Variants in USP7 observed in about 807,000 individuals in gnomAD.
USP7 encodes the protein ubiquitin C-terminal hydrolase 7.
A neutral mutation model predicts 162.9 loss-of-function variants in USP7; 9 were observed. That is an observed-to-expected ratio of 0.06 (90% CI 0.03 to 0.10). The LOEUF (loss-of-function observed/expected upper bound fraction) is 0.10, where lower values mean the gene tolerates loss of function less well. USP7 is among the 10% of genes least tolerant of loss of function. The pLI, the probability that USP7 is intolerant of heterozygous loss-of-function variation, is 1.00. For missense variants in USP7, 715 were observed against 1,373.7 expected (o/e 0.52, Z 7.58); for synonymous variants, 562 against 475.9 (o/e 1.18, Z -2.35).
chr16:8,930,215 GA>G, intron 2 of USP7, 77 bp downstream of exon 2: 3 of 1,115,490 alleles, frequency 2.7e-6, no homozygotes, highest in Non-Finnish European at 3.9e-6. Flanking sequence ...ATGTACCCAA[GA>G]AGTACCAAGC....
At chr16:8,902,604 C>T in intron 16 of USP7, 122 bp from the exon 17 acceptor site, 2 of 850,484 alleles carry the variant, frequency 2.4e-6, no homozygotes, top group Middle Eastern at 3.7e-4. Flanking sequence ...AGACTGTGAT[C>T]GTAGGCCAGG....
Position 8,892,176 on chromosome 16 carries a change from A to T in USP7, c.*1822T>A, listed in dbSNP as rs560200578. On this transcript the variant is annotated 3_prime_UTR_variant, in exon 31 of 31. Transcript: ENST00000344836. ...TAAGACTACAGCCAACCCCCAGCCC[A>T]GAACAAAAACAAGACACCTTAATGT... 3 of 152,410 alleles carry T rather than the reference A, an allele frequency of 2.0e-5. No individual in the cohort carries two copies. Among genetic ancestry groups the T allele is most frequent in the African/African-American group, 7.2e-5 (3 of 41,580 alleles). 9.4% of individuals were successfully genotyped at this position (152,410 alleles called of 1,614,324 possible).
intron 1 of USP7, among the ~76,000 whole-genome samples, chr16:8,942,081 AGCAAACC>A (rs1899070651): frequency 6.6e-6 from 1 of 152,236 alleles, no homozygotes; most frequent in Admixed American, 6.5e-5. Context: ...GTCCAGGTAG[AGCAAACC>A]GCAACAGGAA....
intron 11 of USP7, among the ~76,000 whole-genome samples, chr16:8,909,023 G>C (rs1049773131): frequency 2.6e-5 from 4 of 152,324 alleles, no homozygotes; most frequent in African/African-American, 9.6e-5. Flanking sequence ...CCACTTCTAA[G>C]AAAATGTTCT....
intron 1 of USP7, among the ~76,000 whole-genome samples, chr16:8,943,050 T>G (rs760071509): frequency 5.3e-5 from 8 of 152,286 alleles, no homozygotes; most frequent in African/African-American, 1.9e-4. Flanking sequence ...TGGACCCACT[T>G]TGACGCTTTG....
intron 21 of USP7, 155 bp from the exon 22 acceptor site, chr16:8,899,912 G>T: frequency 1.1e-6 from 1 of 874,062 alleles, no homozygotes; most frequent in Non-Finnish European, 1.8e-6. Flanking sequence ...ATCTGCCTGA[G>T]CTCCCTCTGT....
intron 1 of USP7, among the ~76,000 whole-genome samples, chr16:8,938,416 C>T (rs1455194632): frequency 6.6e-6 from 1 of 151,816 alleles, no homozygotes; most frequent in Non-Finnish European, 1.5e-5. Context: ...AACCGCACAT[C>T]AAAAACACTC....
Position 8,906,594 on chromosome 16 carries a change from C to T in USP7, c.1272-12G>A. ...CTGGGAATTCAAACCTATTAGAAAA[C>T]ATTTTAAAAGAAATTCAGTATTAAT... On this transcript the variant is annotated splice_polypyrimidine_tract_variant and intron_variant, in intron 12 of 30. Transcript: ENST00000344836. 6.2e-7 allele frequency: 1 copy of T among 1,607,240 alleles called. No individual in the cohort carries two copies.
intron 2 of USP7, among the ~76,000 whole-genome samples, chr16:8,927,092 G>A (rs1898046697): frequency 1.3e-5 from 2 of 152,082 alleles, no homozygotes; most frequent in Non-Finnish European, 2.9e-5. Flanking sequence ...GGGTGGGCGA[G>A]GCGAATCATG....
intron 1 of USP7, among the ~76,000 whole-genome samples, chr16:8,943,004 C>G (rs1899116992): frequency 6.6e-6 from 1 of 152,170 alleles, no homozygotes; most frequent in East Asian, 1.9e-4. Context: ...CAGCCGACCA[C>G]CTGGCTTTAA....
At position 8,920,398 on chromosome 16, in the gene USP7, A is replaced by C. The variant is rs778680603; in HGVS notation, c.572T>G (p.Phe191Cys). 4 of 1,613,656 alleles carry C rather than the reference A, an allele frequency of 2.5e-6. No homozygotes were observed. The Admixed American group carries it at 6.7e-5, about 27-fold the overall frequency. The change falls in exon 5 of 31, where the codon TTT becomes TGT. Residue 191 changes from phenylalanine to cysteine, a missense_variant. This residue lies in a region of USP7 where 30 missense variants were observed against 27.6 expected (regional missense o/e 1.09). Transcript: ENST00000344836. ...KGFIDDDKVT[F>C]EVFVQADAPH... Reference sequence around the variant, plus strand: ...AGCATCCGCCTGTACAAAGACTTCAAAGGTAACTTTGTCATCATCTATAAA... The same window carrying C: ...AGCATCCGCCTGTACAAAGACTTCACAGGTAACTTTGTCATCATCTATAAA...
At chr16:8,930,767 G>A (rs572706472) in intron 1 of USP7, among the ~76,000 whole-genome samples, 19 of 152,222 alleles carry the variant, frequency 1.2e-4, no homozygotes, top group African/African-American at 4.3e-4. Flanking sequence ...CCAGGAGTTC[G>A]AGACCAGGCT....
chr16:8,948,779 C>G (rs1168403614), intron 1 of USP7, among the ~76,000 whole-genome samples: 12 of 152,122 alleles, frequency 7.9e-5, no homozygotes, highest in Admixed American at 7.9e-4. Flanking sequence ...ATGGAAAACA[C>G]AGCGAAACCC....
At chr16:8,900,918 TA>T (rs2061763970) in intron 20 of USP7, 71 bp downstream of exon 20, 14 of 1,500,760 alleles carry the variant, frequency 9.3e-6, no homozygotes, top group Middle Eastern at 2.3e-4. Context: ...AAATTCGGGG[TA>T]AAAAGAACAA....
chr16:8,945,976 C>T (rs1204201912), intron 1 of USP7, among the ~76,000 whole-genome samples: 1 of 152,120 alleles, frequency 6.6e-6, no homozygotes, highest in African/African-American at 2.4e-5. Context: ...GACAGCACTG[C>T]TGGCAAAGGA....
chr16:8,918,945 C>T (rs1897526841), intron 6 of USP7, 86 bp downstream of exon 6: 2 of 1,350,790 alleles, frequency 1.5e-6, no homozygotes, highest in Admixed American at 1.7e-5. Context: ...AGGGAGACGC[C>T]ATGTTTGTTG....
At chr16:8,916,667 T>C in intron 7 of USP7, 111 bp from the exon 8 acceptor site, 2 of 1,100,136 alleles carry the variant, frequency 1.8e-6, no homozygotes, top group Admixed American at 2.5e-5. Context: ...TATTCTCAAA[T>C]TCCTTTTCTG....
intron 1 of USP7, among the ~76,000 whole-genome samples, chr16:8,952,838 CTT>C (rs548309636): frequency 6.9e-6 from 1 of 145,322 alleles, no homozygotes; most frequent in Non-Finnish European, 1.5e-5. Flanking sequence ...ACCACACTCG[CTT>C]TTTTTTTTTT....
At chr16:8,927,016 T>C (rs967782026) in intron 2 of USP7, among the ~76,000 whole-genome samples, 1 of 151,988 alleles carries the variant, frequency 6.6e-6, no homozygotes, top group East Asian at 1.9e-4. Context: ...TGGGCTTCAG[T>C]TGCAAAAAGA....
Sources: gnomAD v4.1 joint callset for allele counts (sites outside exome capture counted in the v4.1 genomes callset) on GRCh38, gnomAD v4.1.1 for gene constraint, gnomAD v4.1.1 regional missense constraint, MANE v1.5 for transcripts, NCBI Gene and HGNC (gene_info 2026-07-23, HGNC 2026-07-21) for gene names.